Variants in PTAFR observed in about 807,000 individuals in gnomAD.
The protein encoded by PTAFR is platelet activating factor receptor.
Under a neutral mutation model 14.7 loss-of-function variants are expected in PTAFR, and 8 were observed. The ratio of observed to expected loss-of-function variants is 0.54; its 90% CI spans 0.32 to 0.98. The LOEUF is 0.98. Ranked by LOEUF, PTAFR falls within the 50% of genes least tolerant of loss-of-function variation. The pLI, the probability that PTAFR is intolerant of heterozygous loss-of-function variation, is 0.04. For synonymous variants in PTAFR, 156 were observed against 176.5 expected, an observed-to-expected ratio of 0.88 and a Z score of 0.92; for missense variants, 337 against 451.2, an observed-to-expected ratio of 0.75 and a Z score of 2.29.
chr1:28,161,699 T>C (rs1450911863), intron 1 of PTAFR, among the ~76,000 whole-genome samples: 1 of 152,098 alleles, frequency 6.6e-6, no homozygotes, highest in Non-Finnish European at 1.5e-5. Flanking sequence ...GGAGGTGACA[T>C]ACAAACAAAA....
At chr1:28,184,646 T>C (rs1557698628) in intron 1 of PTAFR, among the ~76,000 whole-genome samples, 1 of 151,336 alleles carries the variant, frequency 6.6e-6, no homozygotes, top group Non-Finnish European at 1.5e-5. Flanking sequence ...TTTTGTTTTT[T>C]TGTTTGTTTT....
chr1:28,151,175 T>G, intron 1 of PTAFR, 116 bp from the exon 2 acceptor site: 1 of 631,552 alleles, frequency 1.6e-6, no homozygotes, highest in Admixed American at 3.4e-5. Flanking sequence ...CAGAAGTTCA[T>G]GTTGAATCTT....
chr1:28,181,237 T>C (rs1646560624), upstream of PTAFR, among the ~76,000 whole-genome samples: 1 of 152,228 alleles, frequency 6.6e-6, no homozygotes, highest in African/African-American at 2.4e-5. Flanking sequence ...TTCCTTCTCT[T>C]TTTGTGTATG....
At position 28,150,940 on chromosome 1, in the gene PTAFR, G is replaced by A. The variant is rs116552042; in HGVS notation, c.82C>T (p.Leu28Phe). Residue 28 changes from leucine (L) to phenylalanine (F), a missense_variant, in exon 2 of 2, where the codon CTC becomes TTC. Leu to Phe is a conservative substitution (Grantham distance 22, BLOSUM62 0). Coordinates refer to ENST00000373857, the MANE Select transcript of PTAFR (RefSeq NM_000952.5). The surrounding 1 kb of genome is among the most constrained non-coding windows in gnomAD (Gnocchi z 6.3). ...FPIVYSIIFVLGVIANGYVLW... is the reference protein window; with the variant it reads ...FPIVYSIIFVFGVIANGYVLW... ...ACGTAGCCATTAGCAATGACCCCGAGCACAAAGATGATGCTGTAAACAATC... is the reference window on the plus strand; with the variant it reads ...ACGTAGCCATTAGCAATGACCCCGAACACAAAGATGATGCTGTAAACAATC... The A allele has an allele frequency of 3.9e-4, 628 of 1,614,018 alleles. 3 individuals carry two copies. In the African/African-American group the frequency reaches 7.3e-3, roughly 19 times the overall value.
chr1:28,172,793 T>C (rs1160099672), intron 1 of PTAFR, among the ~76,000 whole-genome samples: 1 of 152,140 alleles, frequency 6.6e-6, no homozygotes, highest in Non-Finnish European at 1.5e-5. Flanking sequence ...CTCACCCACA[T>C]ATCTTGACTG....
chr1:28,163,259 C>T (rs192086196), intron 1 of PTAFR, among the ~76,000 whole-genome samples: 1 of 152,290 alleles, frequency 6.6e-6, no homozygotes, highest in East Asian at 1.9e-4. Flanking sequence ...GCACTGGGCG[C>T]ATTCCTCAGT....
At chr1:28,184,520 C>A (rs1646590579) in intron 1 of PTAFR, among the ~76,000 whole-genome samples, 2 of 152,346 alleles carry the variant, frequency 1.3e-5, no homozygotes, top group East Asian at 3.9e-4. Context: ...CTTTAAAGCA[C>A]CCTCAAGACC....
At chr1:28,183,235 GA>G (rs1364337907) in intron 1 of PTAFR, among the ~76,000 whole-genome samples, 1 of 152,124 alleles carries the variant, frequency 6.6e-6, no homozygotes. Context: ...ATGCAGCCTA[GA>G]AAGCTCTGTT....
At chr1:28,169,006 A>C (rs963823144) in intron 1 of PTAFR, among the ~76,000 whole-genome samples, 11 of 152,006 alleles carry the variant, frequency 7.2e-5, no homozygotes, top group African/African-American at 2.7e-4. Context: ...AGGATTTAAA[A>C]AAAGAAAAGA....
At position 28,150,768 on chromosome 1, in the gene PTAFR, AG is replaced by A; in HGVS notation, c.253del (p.Leu85SerfsTer35). 2 of 1,614,172 alleles carry A rather than the reference AG, an allele frequency of 1.2e-6. No homozygotes were observed. Among genetic ancestry groups the A allele is most frequent in the Non-Finnish European group, 1.7e-6 (2 of 1,180,038 alleles). On this transcript the variant is annotated frameshift_variant, in exon 2 of 2. Coordinates refer to ENST00000373857, the MANE Select transcript of PTAFR (RefSeq NM_000952.5). LOFTEE classifies it high-confidence loss of function. The surrounding 1 kb of genome is among the most constrained non-coding windows in gnomAD (Gnocchi z 6.3). The part of the protein sequence containing the change: ...VYYQNQGNWI[L>X]PKFLCNVAGC... ...AGCCACGTTGCACAGGAATTTGGGG[AG>A]TATCCAGTTGCCCTGGTTTTGGTAG...
Position 28,149,917 on chromosome 1 carries a change from CAGT to C in PTAFR, c.*73_*75del. 1 of 1,526,208 alleles carries C rather than the reference CAGT, an allele frequency of 6.6e-7. No individual in the cohort carries two copies. Among genetic ancestry groups the C allele is most frequent in the East Asian group, 2.3e-5 (1 of 44,258 alleles). The allele number at this position is 1,526,208 out of a possible 1,614,324, so 94.5% of individuals were successfully genotyped here. On this transcript the variant is annotated 3_prime_UTR_variant, in exon 2 of 2. Coordinates refer to ENST00000373857, the MANE Select transcript of PTAFR (RefSeq NM_000952.5). ...GCCCACAGAGGTGGTGCCCAGACCA[CAGT>C]AGATATCCCTTCTTCCCCCAGCTCA...
chr1:28,161,754 G>A (rs1429209730), intron 1 of PTAFR, among the ~76,000 whole-genome samples: 1 of 152,154 alleles, frequency 6.6e-6, no homozygotes, highest in African/African-American at 2.4e-5. Context: ...TAAGCTTTAA[G>A]GCCCTCTCCT....
chr1:28,192,860 T>C (rs1426527570), intron 1 of PTAFR, among the ~76,000 whole-genome samples: 2 of 152,148 alleles, frequency 1.3e-5, no homozygotes, highest in East Asian at 3.9e-4. Flanking sequence ...TTGGCCGGGC[T>C]GGTCTCGAAC....
chr1:28,166,500 C>T lies in PTAFR; in HGVS notation c.-39+10092G>A, dbSNP rs574624802. Among the ~76,000 whole-genome samples the T allele has an allele frequency of 2.6e-5, 4 of 151,992 alleles. No individual in the cohort carries two copies. The South Asian group carries it at 6.2e-4, about 24-fold the overall frequency. On this transcript the variant is annotated intron_variant, in intron 1 of 1. Coordinates refer to ENST00000373857, the MANE Select transcript of PTAFR (RefSeq NM_000952.5). The stretch of plus-strand genomic sequence containing the variant: ...CAGCCTGGCCAACATGGTGAAATCC[C>T]GTCTCTACAAAAATACAAAAAGTAG...
chr1:28,189,265 T>A (rs1157912857), intron 1 of PTAFR, among the ~76,000 whole-genome samples: 1 of 151,882 alleles, frequency 6.6e-6, no homozygotes, highest in African/African-American at 2.4e-5. Flanking sequence ...GATTCTTCAG[T>A]GCGATCCTGT....
chr1:28,174,302 G>C (rs987411166), intron 1 of PTAFR, among the ~76,000 whole-genome samples: 15 of 152,086 alleles, frequency 9.9e-5, no homozygotes, highest in African/African-American at 3.6e-4. Context: ...CACCCATCTA[G>C]GGGATCAGAA....
At chr1:28,155,184 C>T (rs932532999) in intron 1 of PTAFR, among the ~76,000 whole-genome samples, 3 of 152,100 alleles carry the variant, frequency 2.0e-5, no homozygotes, top group South Asian at 2.1e-4. Context: ...ATGCTCTTCC[C>T]TACCCACTCC....
chr1:28,172,783 C>G (rs1646465797), intron 1 of PTAFR, among the ~76,000 whole-genome samples: 1 of 152,144 alleles, frequency 6.6e-6, no homozygotes, highest in African/African-American at 2.4e-5. Context: ...AGCTGTGCCA[C>G]TCACCCACAT....
intron 1 of PTAFR, among the ~76,000 whole-genome samples, chr1:28,154,841 G>C (rs1038063572): frequency 7.0e-6 from 1 of 141,914 alleles, no homozygotes; most frequent in Non-Finnish European, 1.5e-5. Context: ...AGTGGGGGGG[G>C]AGGGAGGGCA....
Sources: gnomAD v4.1 joint callset for allele counts (sites outside exome capture counted in the v4.1 genomes callset) on GRCh38, gnomAD v4.1.1 for gene constraint, Gnocchi (gnomAD v3.1) non-coding constraint, MANE v1.5 for transcripts, NCBI Gene and HGNC (gene_info 2026-07-23, HGNC 2026-07-21) for gene names.